The following FAM81A variants were observed in gnomAD, a reference collection of about 807,000 sequenced individuals.
FAM81A encodes the protein family with sequence similarity 81 member A.
FAM81A carries 19 observed loss-of-function variants against 46.7 expected under a neutral mutation model. The ratio of observed to expected loss-of-function variants is 0.41; its 90% CI spans 0.28 to 0.60. The LOEUF is 0.60. FAM81A is among the 20% of genes least tolerant of loss of function. The pLI is 0.34. For synonymous variants in FAM81A, 183 were observed against 152.9 expected, an observed-to-expected ratio of 1.20 and a Z score of -1.45; for missense variants, 377 against 453.5, an observed-to-expected ratio of 0.83 and a Z score of 1.53.
intron 2 of FAM81A, among the ~76,000 whole-genome samples, chr15:59,418,279 G>A (rs915113572): frequency 1.3e-5 from 2 of 152,160 alleles, no homozygotes; most frequent in African/African-American, 4.8e-5. Context: ...TGGGGGCAGA[G>A]GCAACAAACA....
At chr15:59,514,138 A>G (rs2082242708) in intron 6 of FAM81A, 151 bp from the exon 7 acceptor site, 1 of 767,676 alleles carries the variant, frequency 1.3e-6, no homozygotes. Context: ...CTTAATACCT[A>G]GGTGATGGGT....
chr15:59,513,427 G>T (rs965906945), intron 6 of FAM81A, among the ~76,000 whole-genome samples: 1 of 152,154 alleles, frequency 6.6e-6, no homozygotes, highest in African/African-American at 2.4e-5. Flanking sequence ...GAACTGCCGG[G>T]GTCTGTGGCT....
At chr15:59,462,546 T>A (rs1189684112) in intron 3 of FAM81A, among the ~76,000 whole-genome samples, 3 of 152,214 alleles carry the variant, frequency 2.0e-5, no homozygotes, top group African/African-American at 7.2e-5. Flanking sequence ...CCATTTTAAG[T>A]GTATAATCTA....
intron 4 of FAM81A, among the ~76,000 whole-genome samples, chr15:59,505,688 ACCT>A (rs2082141795): frequency 6.6e-6 from 1 of 152,102 alleles, no homozygotes; most frequent in Non-Finnish European, 1.5e-5. Context: ...CTCCTCTTCT[ACCT>A]TCTGAGTCTT....
chr15:59,487,968 A>AC (rs1567065843), intron 3 of FAM81A, among the ~76,000 whole-genome samples: 88 of 152,270 alleles, frequency 5.8e-4, no homozygotes, highest in African/African-American at 2.1e-3. Flanking sequence ...CAACAAAAAA[A>AC]CAAAAAACCT....
chr15:59,419,726 T>C (rs2081162614), intron 2 of FAM81A, among the ~76,000 whole-genome samples: 1 of 151,888 alleles, frequency 6.6e-6, no homozygotes, highest in Non-Finnish European at 1.5e-5. Flanking sequence ...ATACAAAAAT[T>C]GGCCGGGCGT....
Position 59,495,007 on chromosome 15 carries a change from TTCTCTCTCCTC to T in FAM81A, c.413+2627_413+2637del, listed in dbSNP as rs762698935. Among the ~76,000 whole-genome samples, 98 of 152,124 alleles carry T rather than the reference TTCTCTCTCCTC, an allele frequency of 6.4e-4. 4 individuals carry two copies. Among genetic ancestry groups the T allele is most frequent in the Admixed American group, 2.0e-4 (3 of 15,270 alleles). On this transcript the variant is annotated intron_variant, in intron 4 of 8. Coordinates refer to ENST00000288228, the MANE Select transcript of FAM81A (RefSeq NM_152450.3). ...CTGAAGGCCCGATACATAGCCTCCT[TTCTCTCTCCTC>T]TCTCTCTCTGAACACCTTTAGTGAG...
chr15:59,464,737 C>T lies in FAM81A; in HGVS notation c.294+4531C>T, dbSNP rs1469970537. ...AATCCCCTATTGGATGAGTAGTTTGCAGGTATTTTTCTCCCATCCTGTAGA... is the reference window on the plus strand; with the variant it reads ...AATCCCCTATTGGATGAGTAGTTTGTAGGTATTTTTCTCCCATCCTGTAGA... On this transcript the variant is annotated intron_variant, in intron 3 of 8. Coordinates refer to ENST00000288228, the MANE Select transcript of FAM81A (RefSeq NM_152450.3). 2.6e-5 allele frequency among the ~76,000 whole-genome samples: 4 copies of T among 152,162 alleles called. No homozygotes were observed. The South Asian group carries it at 8.3e-4, about 31-fold the overall frequency.
intron 2 of FAM81A, among the ~76,000 whole-genome samples, chr15:59,421,483 T>A (rs55720928): frequency 0.18 from 28,090 of 152,076 alleles, 3,287 homozygotes; most frequent in South Asian, 0.38. Context: ...TGCTTAAGAC[T>A]TCCCCCAAGT....
chr15:59,433,599 A>G (rs1177156806), upstream of FAM81A, among the ~76,000 whole-genome samples: 2 of 152,224 alleles, frequency 1.3e-5, no homozygotes, highest in Non-Finnish European at 2.9e-5. Flanking sequence ...AACAGAGCCA[A>G]TTGTAGTTTA....
intron 4 of FAM81A, among the ~76,000 whole-genome samples, chr15:59,501,281 T>A (rs898888988): frequency 2.6e-5 from 4 of 152,198 alleles, no homozygotes; most frequent in African/African-American, 4.8e-5. Flanking sequence ...GGGCTCTGTT[T>A]GACTGTCTCT....
chr15:59,414,672 AG>A (rs1327250266), intron 2 of FAM81A, among the ~76,000 whole-genome samples: 1 of 152,158 alleles, frequency 6.6e-6, no homozygotes, highest in East Asian at 1.9e-4. Flanking sequence ...ATCTGTATTT[AG>A]GCAGATGGGG....
chr15:59,521,408 G>C lies in FAM81A; in HGVS notation c.*30G>C. ...AGCTGGGACAAGGTCCTAAAAGACA[G>C]TTTTGCCAGTGGGGCTAGGAGCCGG... On this transcript the variant is annotated 3_prime_UTR_variant, in exon 9 of 9. Transcript: ENST00000288228. 6.4e-7 allele frequency: 1 copy of C among 1,572,730 alleles called. No homozygotes were observed. Among genetic ancestry groups the C allele is most frequent in the Non-Finnish European group, 8.6e-7 (1 of 1,158,520 alleles).
intron 3 of FAM81A, among the ~76,000 whole-genome samples, chr15:59,471,004 A>T (rs776924106): frequency 2.8e-4 from 43 of 151,994 alleles, no homozygotes; most frequent in Non-Finnish European, 5.6e-4. Context: ...TTGTAGAGAC[A>T]AGGTTTTGCC....
At chr15:59,459,784 A>C in intron 2 of FAM81A, 149 bp from the exon 3 acceptor site, 1 of 1,186,252 alleles carries the variant, frequency 8.4e-7, no homozygotes, top group Non-Finnish European at 1.1e-6. Context: ...CTTGTGAAGA[A>C]AACTTTTTTA....
intron 4 of FAM81A, among the ~76,000 whole-genome samples, chr15:59,496,701 C>G (rs1242996510): frequency 6.6e-6 from 1 of 152,142 alleles, no homozygotes; most frequent in Admixed American, 6.5e-5. Context: ...TTTTCTTATG[C>G]TGGTACCACA....
intron 3 of FAM81A, among the ~76,000 whole-genome samples, chr15:59,482,638 C>G (rs1426611971): frequency 1.3e-5 from 2 of 152,242 alleles, no homozygotes; most frequent in Non-Finnish European, 1.5e-5. Flanking sequence ...GAGATGGGGT[C>G]CAAGAATTTG....
chr15:59,433,050 G>C (rs2081227619), intron 2 of FAM81A, among the ~76,000 whole-genome samples: 1 of 147,546 alleles, frequency 6.8e-6, no homozygotes, highest in Non-Finnish European at 1.5e-5. Flanking sequence ...GCTGAGGCAG[G>C]AGAATGGTGT....
At position 59,521,273 on chromosome 15, in the gene FAM81A, A is replaced by G. The variant is rs1339940356; in HGVS notation, c.1002A>G (p.Glu334=). Residue 334 remains glutamate (E), a synonymous_variant, in exon 9 of 9, where the codon GAA becomes GAG. Transcript: ENST00000288228. ...EVNAGFTAVY[E]SIGSLRQVLE... Reference sequence around the variant, plus strand: ...TTCAAGGGTTTACAGCCGTCTATGAAAGCATAGGATCCCTCAGGCAAGTTC... The same window carrying G: ...TTCAAGGGTTTACAGCCGTCTATGAGAGCATAGGATCCCTCAGGCAAGTTC... 2.5e-6 allele frequency: 4 copies of G among 1,613,348 alleles called. No individual in the cohort carries two copies. The Admixed American group carries it at 6.7e-5, about 27-fold the overall frequency.
Sources: gnomAD v4.1 joint callset for allele counts (sites outside exome capture counted in the v4.1 genomes callset) on GRCh38, gnomAD v4.1.1 for gene constraint, MANE v1.5 for transcripts, NCBI Gene and HGNC (gene_info 2026-07-23, HGNC 2026-07-21) for gene names.